NBN: variants seen among roughly 807,000 people sequenced by gnomAD.
NBN encodes the protein Nijmegen breakage syndrome 1 (nibrin).
NBN carries 88 observed loss-of-function variants against 90.8 expected under a neutral mutation model. That is an observed-to-expected ratio of 0.97 (90% CI 0.82 to 1.16). The LOEUF is 1.16. Among genes scored for constraint, NBN ranks in the 50% most tolerant of loss-of-function variants. The pLI is 0.00. For synonymous variants in NBN, 328 were observed against 295.1 expected, an observed-to-expected ratio of 1.11 and a Z score of -1.14; for missense variants, 894 against 869.6, an observed-to-expected ratio of 1.03 and a Z score of -0.35.
intron 8 of NBN, among the ~76,000 whole-genome samples, chr8:89,963,230 T>C (rs1172824888): frequency 2.0e-5 from 3 of 152,190 alleles, no homozygotes; most frequent in African/African-American, 4.8e-5. Context: ...GCACATTCCT[T>C]ACTTGTTTAA....
At chr8:89,963,300 G>A (rs1324810643) in intron 8 of NBN, among the ~76,000 whole-genome samples, 1 of 152,150 alleles carries the variant, frequency 6.6e-6, no homozygotes, top group East Asian at 1.9e-4. Flanking sequence ...CCATTCAATG[G>A]ACTACAGTGA....
At position 89,970,379 on chromosome 8, in the gene NBN, A is replaced by G. The variant is rs779346343; in HGVS notation, c.881T>C (p.Met294Thr). ...AATTCTATACCTTTGGAGCATATCC[A>G]TTATTGACTGAATCCATTTCTTCTG... ...DCQKKWIQSI[M>T]DMLQRQGLRP... is the part of the protein sequence containing the mutation. Residue 294 changes from methionine to threonine, a missense_variant, in exon 7 of 16, where the codon ATG (methionine) becomes ACG (threonine). Met to Thr is a moderately conservative substitution (Grantham distance 81). Transcript: ENST00000265433. 1 of 1,611,244 alleles carries G rather than the reference A, an allele frequency of 6.2e-7. No homozygotes were observed. Among genetic ancestry groups the G allele is most frequent in the Non-Finnish European group, 8.5e-7 (1 of 1,177,590 alleles).
chr8:89,970,964 G>A (rs576790554), intron 6 of NBN, among the ~76,000 whole-genome samples: 1 of 152,284 alleles, frequency 6.6e-6, no homozygotes, highest in South Asian at 2.1e-4. Flanking sequence ...GCATATTTAT[G>A]AATAGGCCAG....
In NBN at chr8:89,978,113, A is replaced by G. The variant is rs187999418; in HGVS notation, c.584+107T>C. The stretch of plus-strand genomic sequence containing the variant: ...CATTAATAATACCGAACTATAACAC[A>G]GCAACTATTACATCCTGAAACAAGC... On this transcript the variant is annotated intron_variant, in intron 5 of 15. Transcript: ENST00000265433. 1.6e-4 allele frequency: 159 copies of G among 1,007,646 alleles called. No individual in the cohort carries two copies. In the East Asian group the frequency reaches 2.9e-3, roughly 18 times the overall value. 62.4% of individuals were successfully genotyped at this position (1,007,646 alleles called of 1,614,324 possible). A position where few individuals can be genotyped will look rare whatever the true frequency, so the allele number is the denominator to read the frequency against.
intron 11 of NBN, among the ~76,000 whole-genome samples, chr8:89,952,501 A>G (rs1810488492): frequency 6.6e-6 from 1 of 152,200 alleles, no homozygotes; most frequent in Non-Finnish European, 1.5e-5. Context: ...TAGATTTATA[A>G]GGTCCTTGAT....
intron 7 of NBN, among the ~76,000 whole-genome samples, chr8:89,968,823 A>T (rs930264718): frequency 6.6e-6 from 1 of 152,168 alleles, no homozygotes; most frequent in African/African-American, 2.4e-5. Flanking sequence ...GATGGCAGGG[A>T]CTGTGACTAT....
chr8:89,965,283 T>G (rs1251832144), intron 7 of NBN, among the ~76,000 whole-genome samples: 1 of 152,158 alleles, frequency 6.6e-6, no homozygotes. Flanking sequence ...GTTACAACTT[T>G]TAGTAAATCA....
chr8:89,969,973 G>A (rs1052048352), intron 7 of NBN, among the ~76,000 whole-genome samples: 2 of 150,674 alleles, frequency 1.3e-5, no homozygotes, highest in African/African-American at 4.9e-5. Context: ...AATAGGCCAG[G>A]CACGGTGGCT....
In NBN at chr8:89,984,579, G is replaced by T. The variant is rs780658881; in HGVS notation, c.-18C>A. On this transcript the variant is annotated 5_prime_UTR_variant, in exon 1 of 16. Transcript: ENST00000265433. ...TTCCACATCGGTCCGGCTCCTCAGG[G>T]CTGGGGCCGACGTGCAACCGCGTAA... is the stretch of plus-strand genomic sequence containing the variant. 3 of 1,612,566 alleles carry T rather than the reference G, an allele frequency of 1.9e-6. No individual in the cohort carries two copies. The highest frequency in any genetic ancestry group is 4.5e-5 in the East Asian group (2 of 44,848).
chr8:89,968,890 T>C (rs1012057989), intron 7 of NBN, among the ~76,000 whole-genome samples: 1 of 152,230 alleles, frequency 6.6e-6, no homozygotes, highest in Non-Finnish European at 1.5e-5. Flanking sequence ...AGTAAATTTG[T>C]GTTGTAGTAA....
At chr8:89,940,333 C>G (rs1333747722) in intron 14 of NBN, among the ~76,000 whole-genome samples, 1 of 152,032 alleles carries the variant, frequency 6.6e-6, no homozygotes, top group Non-Finnish European at 1.5e-5. Context: ...AGATGTTGTG[C>G]AGGCTACTCT....
At chr8:89,979,997 T>G (rs1185719374) in intron 4 of NBN, among the ~76,000 whole-genome samples, 1 of 152,234 alleles carries the variant, frequency 6.6e-6, no homozygotes, top group African/African-American at 2.4e-5. Flanking sequence ...ATGGACACTT[T>G]GATTTGTAAA....
chr8:89,955,804 GACAA>G (rs1430896078), intron 9 of NBN, among the ~76,000 whole-genome samples: 1 of 151,986 alleles, frequency 6.6e-6, no homozygotes, highest in African/African-American at 2.4e-5. Context: ...ATAGACGACT[GACAA>G]ACACACACAG....
At chr8:89,969,323 T>C (rs919826681) in intron 7 of NBN, among the ~76,000 whole-genome samples, 2 of 152,254 alleles carry the variant, frequency 1.3e-5, no homozygotes, top group Non-Finnish European at 2.9e-5. Context: ...ATCTGACTTT[T>C]TGTCTGCTTT....
intron 1 of NBN, 182 bp downstream of exon 1, chr8:89,984,343 C>T: frequency 1.5e-6 from 1 of 668,494 alleles, no homozygotes; most frequent in South Asian, 1.8e-5. Context: ...AATTCCAGCT[C>T]ACAGCCGCCG....
At chr8:89,983,633 G>T (rs1404475373) in intron 1 of NBN, among the ~76,000 whole-genome samples, 1 of 152,184 alleles carries the variant, frequency 6.6e-6, no homozygotes, top group South Asian at 2.1e-4. Context: ...TCTCCAATCA[G>T]TGGGAAAGGG....
intron 5 of NBN, among the ~76,000 whole-genome samples, chr8:89,977,505 T>C (rs540807415): frequency 1.3e-5 from 2 of 152,318 alleles, no homozygotes; most frequent in Admixed American, 1.3e-4. Flanking sequence ...TCCAAGTCTT[T>C]GCTGTTGTTA....
At chr8:89,946,114 T>G in intron 13 of NBN, 26 bp downstream of exon 13, 1 of 1,506,956 alleles carries the variant, frequency 6.6e-7, no homozygotes, top group Non-Finnish European at 9.2e-7. Flanking sequence ...AACACTGACC[T>G]CTTGTGATAC....
chr8:89,938,228 A>T (rs1363878562), intron 14 of NBN, among the ~76,000 whole-genome samples: 1 of 152,194 alleles, frequency 6.6e-6, no homozygotes, highest in East Asian at 1.9e-4. Flanking sequence ...TCCTGACTTA[A>T]TGTTTTTGAT....
Sources: allele counts gnomAD v4.1 joint callset (sites outside exome capture counted in the v4.1 genomes callset), GRCh38; gene constraint gnomAD v4.1.1; transcripts MANE v1.5; gene names NCBI Gene and HGNC (gene_info 2026-07-23, HGNC 2026-07-21).